Variants in GPC3 observed in about 807,000 individuals in gnomAD.
GPC3 encodes glypican 3, also known as glypican-3.
In GPC3, 3 loss-of-function variants were observed where a neutral mutation model predicts 34.4. That is an observed-to-expected ratio of 0.09 (90% CI 0.04 to 0.23). GPC3 has a LOEUF of 0.23. Among genes scored for constraint, GPC3 ranks in the 10% least tolerant of loss-of-function variants. GPC3 has a pLI of 1.00. For synonymous variants in GPC3, 177 were observed against 174.0 expected (o/e 1.02, Z -0.13); for missense variants, 351 against 445.6 (o/e 0.79, Z 1.91).
intron 6 of GPC3, among the ~76,000 whole-genome samples, chrX:133,656,588 G>A (rs1344098961): frequency 8.9e-6 from 1 of 112,395 alleles, no homozygotes; most frequent in Non-Finnish European, 1.9e-5. Context: ...ACATATGGCA[G>A]AATTATCATT....
intron 3 of GPC3, among the ~76,000 whole-genome samples, chrX:133,700,296 C>T (rs184867456): frequency 1.3e-3 from 140 of 111,504 alleles, no homozygotes; most frequent in Middle Eastern, 4.7e-3. Context: ...GTGAAGTATA[C>T]ATTTGAGAGG....
At chrX:133,911,642 G>A (rs935351478) in intron 2 of GPC3, among the ~76,000 whole-genome samples, 2 of 111,720 alleles carry the variant, frequency 1.8e-5, no homozygotes, top group Admixed American at 9.5e-5. Flanking sequence ...ATTTCCCAAT[G>A]GGGCTATACT....
At chrX:133,540,160 C>T (rs2069328951) in intron 7 of GPC3, among the ~76,000 whole-genome samples, 1 of 112,641 alleles carries the variant, frequency 8.9e-6, no homozygotes. Context: ...ATAGAAAGAT[C>T]TGGGAAGACT....
chrX:133,633,169 T>G (rs192764173), intron 6 of GPC3, among the ~76,000 whole-genome samples: 1 of 112,345 alleles, frequency 8.9e-6, no homozygotes, highest in African/African-American at 3.2e-5. Context: ...TTAATAATTT[T>G]AAAACAATAT....
intron 2 of GPC3, among the ~76,000 whole-genome samples, chrX:133,928,608 T>A (rs986232670): frequency 8.9e-6 from 1 of 112,135 alleles, no homozygotes; most frequent in Non-Finnish European, 1.9e-5. Flanking sequence ...TTATCTCTTG[T>A]CTTTTTGATA....
intron 3 of GPC3, among the ~76,000 whole-genome samples, chrX:133,707,127 C>T (rs2071225983): frequency 8.9e-6 from 1 of 111,759 alleles, no homozygotes; most frequent in Admixed American, 9.5e-5. Flanking sequence ...ACTGCATGTT[C>T]TCACTTATTA....
chrX:133,981,383 C>T (rs1369565955), intron 1 of GPC3, among the ~76,000 whole-genome samples: 2 of 111,870 alleles, frequency 1.8e-5, no homozygotes, highest in Non-Finnish European at 3.8e-5. Flanking sequence ...GTGTTAGACT[C>T]CTTTCAGCCC....
intron 1 of GPC3, among the ~76,000 whole-genome samples, chrX:133,967,175 A>G (rs759357416): frequency 8.9e-6 from 1 of 112,164 alleles, no homozygotes; most frequent in South Asian, 3.7e-4. Flanking sequence ...TCTGAACCAA[A>G]TGTTTCCTAA....
At position 133,754,122 on chromosome X, in the gene GPC3, T is replaced by C. The variant is rs751302717; in HGVS notation, c.392A>G (p.Lys131Arg). The C allele has an allele frequency of 3.6e-5, 44 of 1,206,375 alleles. No individual in the cohort carries two copies. Among genetic ancestry groups the C allele is most frequent in the Non-Finnish European group, 4.8e-5 (43 of 893,400 alleles). The change falls in exon 3 of 8, where the codon AAG (lysine) becomes AGG (arginine). Residue 131 changes from lysine to arginine, a missense_variant. Lys to Arg is a conservative substitution (Grantham distance 26, BLOSUM62 2). Transcript: ENST00000370818. ...HAKNYTNAMF[K>R]NNYPSLTPQA... ...TGGAGTCAGGCTTGGGTAGTTGTTC[T>C]TGAACATGGCATTGGTGTAGTTCTT... is the stretch of plus-strand genomic sequence containing the variant.
intron 2 of GPC3, among the ~76,000 whole-genome samples, chrX:133,900,691 C>A (rs1254365094): frequency 2.7e-5 from 3 of 110,977 alleles, no homozygotes; most frequent in Non-Finnish European, 5.7e-5. Context: ...TACCTAGGAC[C>A]ATTTCAAAGA....
chrX:133,670,933 C>T (rs1349820041), intron 5 of GPC3: 2 of 403,686 alleles, frequency 5.0e-6, no homozygotes, highest in African/African-American at 5.0e-5. Flanking sequence ...ATAAAAATGT[C>T]TTTCTCCTCC....
chrX:133,833,450 T>C (rs2075785713), intron 2 of GPC3, among the ~76,000 whole-genome samples: 1 of 110,647 alleles, frequency 9.0e-6, no homozygotes, highest in South Asian at 3.9e-4. Flanking sequence ...GAGAGAAGAG[T>C]ATATGATACA....
rs752259157 is a variant in GPC3 at position 133,692,441 on chromosome X, C to T, written c.1220G>A (p.Gly407Asp). 8.3e-7 allele frequency: 1 copy of T among 1,204,814 alleles called. No homozygotes were observed. The highest frequency in any genetic ancestry group is 1.1e-6 in the Non-Finnish European group (1 of 888,883). The change falls in exon 5 of 8, where the codon GGC becomes GAC. Residue 407 changes from glycine to aspartate, a missense_variant. Transcript: ENST00000370818. ...SFISFYSALP[G>D]YICSHSPVAE... The stretch of plus-strand genomic sequence containing the variant: ...CACAGGGCTATGGCTGCAGATGTAG[C>T]CAGGCAAAGCACTATAGAAGCTGAT...
At position 133,768,302 on chromosome X, in the gene GPC3, A is replaced by G. The variant is rs142420354; in HGVS notation, c.338-14126T>C. Among the ~76,000 whole-genome samples the G allele has an allele frequency of 4.5e-3, 500 of 111,842 alleles. 2 individuals carry two copies. Among genetic ancestry groups the G allele is most frequent in the African/African-American group, 0.015 (468 of 30,783 alleles). On this transcript the variant is annotated intron_variant, in intron 2 of 7. Coordinates refer to ENST00000370818, the MANE Select transcript of GPC3 (RefSeq NM_004484.4). Reference sequence around the variant, plus strand: ...TCGAGAGTAAGTAAAGATTGACTCCATGGACCTTTTCATGAAGCAAAACTT... The same window carrying G: ...TCGAGAGTAAGTAAAGATTGACTCCGTGGACCTTTTCATGAAGCAAAACTT...
intron 2 of GPC3, among the ~76,000 whole-genome samples, chrX:133,907,100 CAA>C (rs781615101): frequency 1.3e-4 from 11 of 81,687 alleles, no homozygotes; most frequent in East Asian, 3.7e-4. Flanking sequence ...GACTCCATCT[CAA>C]AAAAAAAAAA....
chrX:133,948,911 A>G (rs985527435), intron 2 of GPC3, among the ~76,000 whole-genome samples: 1 of 112,298 alleles, frequency 8.9e-6, no homozygotes, highest in African/African-American at 3.2e-5. Flanking sequence ...ATAATGCATC[A>G]TTTATTTGGC....
intron 6 of GPC3, among the ~76,000 whole-genome samples, chrX:133,640,515 A>C (rs746913843): frequency 8.9e-6 from 1 of 112,458 alleles, no homozygotes; most frequent in East Asian, 2.8e-4. Flanking sequence ...ATGTCCCAAA[A>C]GCACGCCGCT....
intron 2 of GPC3, among the ~76,000 whole-genome samples, chrX:133,784,124 C>A (rs192399901): frequency 1.9e-4 from 21 of 111,546 alleles, no homozygotes; most frequent in Admixed American, 1.7e-3. Flanking sequence ...TCTTTATGTT[C>A]TTATTCCAAA....
intron 5 of GPC3, among the ~76,000 whole-genome samples, chrX:133,672,407 GA>G (rs2070836035): frequency 1.8e-5 from 2 of 111,996 alleles, no homozygotes; most frequent in African/African-American, 6.5e-5. Flanking sequence ...GGCTGTCCTT[GA>G]GGGGAACACA....
Sources: gnomAD v4.1 joint callset for allele counts (sites outside exome capture counted in the v4.1 genomes callset) on GRCh38, gnomAD v4.1.1 for gene constraint, MANE v1.5 for transcripts, NCBI Gene and HGNC (gene_info 2026-07-23, HGNC 2026-07-21) for gene names.